LSAMP: variants seen among roughly 807,000 people sequenced by gnomAD.
LSAMP encodes limbic system associated membrane protein.
A neutral mutation model predicts 38.6 loss-of-function variants in LSAMP; 7 were observed. That is an observed-to-expected ratio of 0.18 (90% CI 0.10 to 0.34). The LOEUF (loss-of-function observed/expected upper bound fraction) is 0.34. LSAMP is among the 10% of genes least tolerant of loss of function. LSAMP has a pLI of 1.00. For missense variants in LSAMP, 313 were observed against 420.0 expected (o/e 0.75, Z 2.23); for synonymous variants, 154 against 166.8 (o/e 0.92, Z 0.59).
rs1250749264 is a variant in LSAMP, at chr3:115,841,966, A to C, written c.798T>G (p.Ile266Met). The change falls in exon 6 of 7, where the codon ATT becomes ATG. Residue 266 changes from isoleucine (I) to methionine (M), a missense_variant. By Grantham distance (10) the Ile-to-Met change is conservative. Transcript: ENST00000490035. The stretch of plus-strand genomic sequence containing the variant: ...GGGAAGACTGGCCCTCCGTGCTCTT[A>C]ATCTCAAGGCCATTGGCACTATTTA... ...TRINSANGLE[I>M]KSTEGQSSLT... 6.2e-7 allele frequency: 1 copy of C among 1,613,338 alleles called. No individual in the cohort carries two copies. The highest frequency in any genetic ancestry group is 8.5e-7 in the Non-Finnish European group (1 of 1,179,972).
chr3:116,295,802 T>C (rs2047324242), intron 1 of LSAMP, among the ~76,000 whole-genome samples: 1 of 135,940 alleles, frequency 7.4e-6, no homozygotes. Flanking sequence ...GTTATGTAAA[T>C]AGATGCATAA....
chr3:116,263,646 A>G (rs2107661192), intron 1 of LSAMP, among the ~76,000 whole-genome samples: 1 of 147,294 alleles, frequency 6.8e-6, no homozygotes, highest in East Asian at 2.0e-4. Context: ...GCACATATCA[A>G]AATTAAACCA....
intron 3 of LSAMP, among the ~76,000 whole-genome samples, chr3:115,927,819 C>T (rs1477246603): frequency 1.3e-5 from 2 of 152,218 alleles, no homozygotes; most frequent in Non-Finnish European, 2.9e-5. Flanking sequence ...GCTCAAATCT[C>T]ACCCTCTTCT....
At chr3:116,422,761 C>T (rs139423106) in intron 1 of LSAMP, among the ~76,000 whole-genome samples, 2 of 152,268 alleles carry the variant, frequency 1.3e-5, no homozygotes, top group East Asian at 3.9e-4. Context: ...CTCATTAAAA[C>T]TGCTAAAAAT....
At chr3:116,305,438 T>C (rs553382869) in intron 1 of LSAMP, among the ~76,000 whole-genome samples, 1 of 152,054 alleles carries the variant, frequency 6.6e-6, no homozygotes. Context: ...TTGAACCAAA[T>C]AGAATCTGAC....
chr3:116,214,592 C>T lies in LSAMP; in HGVS notation c.156-128036G>A, dbSNP rs377676519. Among the ~76,000 whole-genome samples, 326 of 150,604 alleles carry T rather than the reference C, an allele frequency of 2.2e-3. 3 individuals carry two copies. The highest frequency in any genetic ancestry group is 0.02 in the South Asian group (95 of 4,770). ...AATCCCAGCTGACTGCAACCTCTGCCTCCTGGGTTCAAGCAATTCTCCACC... is the reference window on the plus strand; with the variant it reads ...AATCCCAGCTGACTGCAACCTCTGCTTCCTGGGTTCAAGCAATTCTCCACC... On this transcript the variant is annotated intron_variant, in intron 1 of 6. Transcript: ENST00000490035.
chr3:116,347,256 T>C (rs1201789944), intron 1 of LSAMP, among the ~76,000 whole-genome samples: 1 of 152,220 alleles, frequency 6.6e-6, no homozygotes, highest in Non-Finnish European at 1.5e-5. Flanking sequence ...GGCCAACCTT[T>C]TGCTTGTGCA....
intron 1 of LSAMP, among the ~76,000 whole-genome samples, chr3:116,156,208 G>C (rs1709743625): frequency 6.6e-6 from 1 of 152,034 alleles, no homozygotes; most frequent in Admixed American, 6.6e-5. Context: ...ATGAAAGAAG[G>C]GGAAAAAGAC....
At chr3:115,847,595 T>A (rs924638644) in intron 4 of LSAMP, among the ~76,000 whole-genome samples, 16 of 152,178 alleles carry the variant, frequency 1.1e-4, no homozygotes, top group Admixed American at 2.0e-4. Flanking sequence ...AATTGAATCA[T>A]GGGGGCAGTT....
chr3:115,803,906 TA>T lies in LSAMP; in HGVS notation c.*6410del, dbSNP rs1933573006. 1 of 152,214 alleles carries T rather than the reference TA, an allele frequency of 6.6e-6. No individual in the cohort carries two copies. The highest frequency in any genetic ancestry group is 1.5e-5 in the Non-Finnish European group (1 of 68,040). The allele number at this position is 152,214 out of a possible 1,614,324, so 9.4% of individuals were successfully genotyped here. ...TACTTGGCCCAGGATGACAGAAAAC[TA>T]ATGTTTCCTTTCTTATGCACAATGT... On this transcript the variant is annotated 3_prime_UTR_variant, in exon 7 of 7. Coordinates refer to ENST00000490035, the MANE Select transcript of LSAMP (RefSeq NM_002338.5).
chr3:115,889,247 C>T (rs559409935), intron 3 of LSAMP, among the ~76,000 whole-genome samples: 2 of 152,040 alleles, frequency 1.3e-5, no homozygotes, highest in East Asian at 1.9e-4. Context: ...GAAAATACTA[C>T]TCTTTTGAAA....
chr3:116,218,048 C>T (rs528418338), intron 1 of LSAMP, among the ~76,000 whole-genome samples: 5 of 152,054 alleles, frequency 3.3e-5, no homozygotes, highest in African/African-American at 9.6e-5. Context: ...CTGTTGATAC[C>T]GAAAAAAATG....
In LSAMP at chr3:115,805,475, A is replaced by G. The variant is rs1443269850; in HGVS notation, c.*4842T>C. ...GAAGTTTACATAGTTTATATTATGT[A>G]CATAAACTAGTGATTTACATTGATT... On this transcript the variant is annotated 3_prime_UTR_variant, in exon 7 of 7. Coordinates refer to ENST00000490035, the MANE Select transcript of LSAMP (RefSeq NM_002338.5). 1 of 152,190 alleles carries G rather than the reference A, an allele frequency of 6.6e-6. No homozygotes were observed. The highest frequency in any genetic ancestry group is 1.5e-5 in the Non-Finnish European group (1 of 68,018). 9.4% of individuals were successfully genotyped at this position (152,190 alleles called of 1,614,324 possible). A position where few individuals can be genotyped will look rare whatever the true frequency, so the allele number is the denominator to read the frequency against.
At chr3:115,820,369 G>A (rs191016950) in intron 6 of LSAMP, among the ~76,000 whole-genome samples, 3 of 152,280 alleles carry the variant, frequency 2.0e-5, no homozygotes, top group Admixed American at 1.3e-4. Context: ...TAAATCGACT[G>A]AAGCAATGCA....
chr3:116,080,053 C>T (rs1299393220), intron 2 of LSAMP, among the ~76,000 whole-genome samples: 2 of 151,998 alleles, frequency 1.3e-5, no homozygotes, highest in East Asian at 1.9e-4. Context: ...TGTGAATAGC[C>T]ACATATGATA....
chr3:115,855,817 G>C (rs1274048690), intron 3 of LSAMP, among the ~76,000 whole-genome samples: 4 of 152,090 alleles, frequency 2.6e-5, no homozygotes, highest in African/African-American at 9.7e-5. Flanking sequence ...AGACTCTCAA[G>C]CCAGAAACTG....
chr3:115,895,161 A>C (rs1162418782), intron 3 of LSAMP, among the ~76,000 whole-genome samples: 1 of 152,070 alleles, frequency 6.6e-6, no homozygotes, highest in East Asian at 1.9e-4. Flanking sequence ...TCCTTTAACT[A>C]TCAGATTGTT....
At chr3:116,223,445 A>C (rs2046311597) in intron 1 of LSAMP, among the ~76,000 whole-genome samples, 1 of 152,224 alleles carries the variant, frequency 6.6e-6, no homozygotes, top group Admixed American at 6.5e-5. Flanking sequence ...TGGGAGATAA[A>C]TTTAATGTGG....
At chr3:116,129,062 T>G (rs531212217) in intron 1 of LSAMP, among the ~76,000 whole-genome samples, 39 of 152,320 alleles carry the variant, frequency 2.6e-4, no homozygotes, top group Non-Finnish European at 5.0e-4. Context: ...GACAAGAGTA[T>G]GTAGAACTAA....
Sources: allele counts gnomAD v4.1 joint callset (sites outside exome capture counted in the v4.1 genomes callset), GRCh38; gene constraint gnomAD v4.1.1; transcripts MANE v1.5; gene names NCBI Gene and HGNC (gene_info 2026-07-23, HGNC 2026-07-21).